The following XPR1 variants were observed in gnomAD, a reference collection of about 807,000 sequenced individuals.
The protein encoded by XPR1 is solute carrier family 53 member 1.
Under a neutral mutation model 87.5 loss-of-function variants are expected in XPR1, and 28 were observed. The ratio of observed to expected loss-of-function variants is 0.32; its 90% CI spans 0.24 to 0.44. XPR1 has a LOEUF of 0.44. Among genes scored for constraint, XPR1 ranks in the 20% least tolerant of loss-of-function variants. XPR1 has a pLI of 1.00. For synonymous variants in XPR1, 300 were observed against 306.1 expected (o/e 0.98, Z 0.21); for missense variants, 559 against 862.3 (o/e 0.65, Z 4.41).
At chr1:180,725,477 A>T (rs1267766304) in intron 2 of XPR1, among the ~76,000 whole-genome samples, 3 of 152,180 alleles carry the variant, frequency 2.0e-5, no homozygotes, top group Non-Finnish European at 4.4e-5. Context: ...TCTATCCATT[A>T]ATCTTTTATG....
chr1:180,878,627 C>G (rs1652738556), intron 13 of XPR1, among the ~76,000 whole-genome samples: 1 of 152,182 alleles, frequency 6.6e-6, no homozygotes. Context: ...AAGGTCATTA[C>G]AGCTAGCAAG....
chr1:180,880,950 A>G (rs1207093561), intron 14 of XPR1, among the ~76,000 whole-genome samples: 2 of 152,234 alleles, frequency 1.3e-5, no homozygotes, highest in Admixed American at 6.5e-5. Context: ...GTAGATTGGA[A>G]TGAAGGAGGC....
intron 7 of XPR1, among the ~76,000 whole-genome samples, chr1:180,819,735 A>G (rs567425229): frequency 6.6e-6 from 1 of 152,292 alleles, no homozygotes; most frequent in East Asian, 1.9e-4. Context: ...ATATATGCCT[A>G]GGCCGGGCGC....
rs751128806 is a variant in XPR1 at position 180,825,167 on chromosome 1, T to C, written c.957T>C (p.Ile319=). The part of the protein sequence containing the change: ...SNLSHQHLFE[I]AGFLGILWCL... ...CTGTCTTCCCCATCCTTTACTAGAT[T>C]GCTGGATTCCTCGGGATATTGTGGT... Residue 319 remains isoleucine (I), a splice_region_variant and synonymous_variant, in exon 9 of 15, where the codon ATT becomes ATC. Transcript: ENST00000367590. 3.7e-6 allele frequency: 6 copies of C among 1,602,968 alleles called. No homozygotes were observed. The highest frequency in any genetic ancestry group is 5.1e-6 in the Non-Finnish European group (6 of 1,177,006).
chr1:180,642,889 G>A (rs10914059), intron 1 of XPR1, among the ~76,000 whole-genome samples: 1,790 of 152,220 alleles, frequency 0.012, 28 homozygotes, highest in African/African-American at 0.041. Context: ...TTAACACATA[G>A]TGAAGAGGGG....
rs1652993469 is a variant in XPR1, at chr1:180,885,879, T to C, written c.*1813T>C. 6.6e-6 allele frequency: 1 copy of C among 152,246 alleles called. No homozygotes were observed. The highest frequency in any genetic ancestry group is 1.5e-5 in the Non-Finnish European group (1 of 68,040). 9.4% of individuals were successfully genotyped at this position (152,246 alleles called of 1,614,324 possible). A position where few individuals can be genotyped will look rare whatever the true frequency, so the allele number is the denominator to read the frequency against. ...AAAGTTACTGTTACTAGAAAATTTT[T>C]ATCAATTAACTGACAAATAGTTTCT... On this transcript the variant is annotated 3_prime_UTR_variant, in exon 15 of 15. Coordinates refer to ENST00000367590, the MANE Select transcript of XPR1 (RefSeq NM_004736.4).
intron 2 of XPR1, among the ~76,000 whole-genome samples, chr1:180,683,003 G>A (rs534604601): frequency 1.3e-5 from 2 of 151,812 alleles, no homozygotes; most frequent in East Asian, 3.9e-4. Context: ...TTAAGTTTTA[G>A]GGTACATGTG....
At chr1:180,643,214 G>C (rs569236768) in intron 1 of XPR1, among the ~76,000 whole-genome samples, 14 of 152,236 alleles carry the variant, frequency 9.2e-5, no homozygotes, top group African/African-American at 3.4e-4. Context: ...CCAAAGACAG[G>C]AAAACCAAAC....
intron 2 of XPR1, among the ~76,000 whole-genome samples, chr1:180,744,126 C>T (rs1659005765): frequency 1.3e-5 from 2 of 152,020 alleles, no homozygotes; most frequent in South Asian, 4.1e-4. Context: ...TTTTGCAGTC[C>T]CTCAAGTCAC....
At chr1:180,766,715 G>A (rs944842727) in intron 2 of XPR1, among the ~76,000 whole-genome samples, 4 of 152,064 alleles carry the variant, frequency 2.6e-5, no homozygotes, top group Non-Finnish European at 4.4e-5. Context: ...TGATTTCAGG[G>A]AGAAAAAGTA....
chr1:180,880,275 C>T lies in XPR1; in HGVS notation c.2008C>T (p.Arg670Cys), dbSNP rs761854990. The T allele has an allele frequency of 2.3e-5, 37 of 1,614,072 alleles. No homozygotes were observed. In the South Asian group the frequency reaches 2.4e-4, roughly 11 times the overall value. The stretch of plus-strand genomic sequence containing the variant: ...GAAGTACAACCAGAGCATATCCCTG[C>T]GCCGGCCTCGCCTCGCTTCTCAGTA... ...SWKYNQSISLRRPRLASQSKA... is the reference protein window; with the variant it reads ...SWKYNQSISLCRPRLASQSKA... Residue 670 changes from arginine to cysteine, a missense_variant, in exon 14 of 15, where the codon CGC (arginine) becomes TGC (cysteine). Arg to Cys is a radical substitution (Grantham distance 180, BLOSUM62 -3). Around this residue, in one of 7 missense-constraint regions of XPR1, gnomAD observed 80 missense variants for 99.5 expected, o/e 0.80. Coordinates refer to ENST00000367590, the MANE Select transcript of XPR1 (RefSeq NM_004736.4).
chr1:180,771,368 G>A (rs1249282018), intron 2 of XPR1, among the ~76,000 whole-genome samples: 1 of 151,962 alleles, frequency 6.6e-6, no homozygotes, highest in African/African-American at 2.4e-5. Flanking sequence ...CAGAAAAGTT[G>A]CAAGAATATT....
intron 2 of XPR1, among the ~76,000 whole-genome samples, chr1:180,768,898 G>A (rs549467913): frequency 6.6e-6 from 1 of 152,094 alleles, no homozygotes; most frequent in African/African-American, 2.4e-5. Flanking sequence ...AGTAAAATGG[G>A]CATTTATTGA....
chr1:180,679,221 A>C (rs1039651855), intron 1 of XPR1, among the ~76,000 whole-genome samples: 4 of 148,672 alleles, frequency 2.7e-5, no homozygotes, highest in African/African-American at 9.9e-5. Context: ...AACAAACAAA[A>C]AAAACGGTGG....
Position 180,690,689 on chromosome 1 carries a change from T to A in XPR1, c.121+8278T>A, listed in dbSNP as rs142405556. ...ATAGCATTTGTTACTTACTGATATC[T>A]TGTTTTAAAAATTGATTAATTCTCT... On this transcript the variant is annotated intron_variant, in intron 2 of 14. Transcript: ENST00000367590. Among the ~76,000 whole-genome samples, 437 of 151,834 alleles carry A rather than the reference T, an allele frequency of 2.9e-3. 3 individuals carry two copies. Among genetic ancestry groups the A allele is most frequent in the African/African-American group, 9.5e-3 (395 of 41,408 alleles).
At chr1:180,678,961 C>T (rs915228787) in intron 1 of XPR1, among the ~76,000 whole-genome samples, 7 of 151,640 alleles carry the variant, frequency 4.6e-5, no homozygotes, top group Non-Finnish European at 5.9e-5. Context: ...TTTAGGAGGC[C>T]GAGGCGGGTG....
At chr1:180,812,715 C>G (rs533952100) in intron 7 of XPR1, among the ~76,000 whole-genome samples, 28 of 149,350 alleles carry the variant, frequency 1.9e-4, no homozygotes, top group Non-Finnish European at 3.0e-4. Context: ...GTGGTCCGAT[C>G]TCGGCTCACT....
At chr1:180,797,154 T>A (rs1649615295) in intron 3 of XPR1, among the ~76,000 whole-genome samples, 1 of 152,226 alleles carries the variant, frequency 6.6e-6, no homozygotes, top group Non-Finnish European at 1.5e-5. Flanking sequence ...AGATGAATCC[T>A]ATGGTAGGTA....
intron 11 of XPR1, among the ~76,000 whole-genome samples, chr1:180,862,748 A>G (rs1399115093): frequency 6.6e-6 from 1 of 152,154 alleles, no homozygotes; most frequent in Non-Finnish European, 1.5e-5. Context: ...GAAAAAAATT[A>G]TGAACGATGC....
Sources: gnomAD v4.1 joint callset for allele counts (sites outside exome capture counted in the v4.1 genomes callset) on GRCh38, gnomAD v4.1.1 for gene constraint, gnomAD v4.1.1 regional missense constraint, MANE v1.5 for transcripts, NCBI Gene and HGNC (gene_info 2026-07-23, HGNC 2026-07-21) for gene names.